TAS2R1: variants seen among roughly 807,000 people sequenced by gnomAD.
The protein encoded by TAS2R1 is taste 2 receptor member 1, also known as taste receptor type 2 member 1.
For synonymous variants in TAS2R1, 141 were observed against 134.2 expected (o/e 1.05, Z -0.35); for missense variants, 370 against 353.4 (o/e 1.05, Z -0.38).
chr5:9,758,148 T>C, the TAS2R1 span, among the ~76,000 whole-genome samples: 3 of 152,184 alleles, frequency 2.0e-5, no homozygotes, highest in Non-Finnish European at 4.4e-5. Flanking sequence ...ATTTTACTAC[T>C]TTAAAGAAAC....
chr5:9,697,528 T>C (rs1741384603), intron 1 of TAS2R1, among the ~76,000 whole-genome samples: 2 of 152,186 alleles, frequency 1.3e-5, no homozygotes, highest in Non-Finnish European at 2.9e-5. Flanking sequence ...AATACAGATG[T>C]TGAACACAAT....
intron 2 of TAS2R1, among the ~76,000 whole-genome samples, chr5:9,656,686 GAAATAAT>G: frequency 6.6e-6 from 1 of 152,160 alleles, no homozygotes; most frequent in Admixed American, 6.5e-5. Flanking sequence ...GACACATCCA[GAAATAAT>G]GTGTAACCAA....
chr5:9,748,770 A>G, the TAS2R1 span, among the ~76,000 whole-genome samples: 1 of 152,308 alleles, frequency 6.6e-6, no homozygotes, highest in South Asian at 2.1e-4. Context: ...CTCACTTCCA[A>G]CACTGGGGAT....
At chr5:9,690,640 T>A (rs1248721554) in intron 1 of TAS2R1, among the ~76,000 whole-genome samples, 5 of 152,064 alleles carry the variant, frequency 3.3e-5, no homozygotes, top group African/African-American at 1.2e-4. Context: ...GACTTAATTT[T>A]GAGTTAAAAG....
intron 1 of TAS2R1, among the ~76,000 whole-genome samples, chr5:9,698,185 C>T (rs900817615): frequency 6.6e-6 from 1 of 152,058 alleles, no homozygotes; most frequent in African/African-American, 2.4e-5. Context: ...CAGACTGGAA[C>T]CTGTTGAATA....
the TAS2R1 span, among the ~76,000 whole-genome samples, chr5:9,892,058 A>T: frequency 6.6e-6 from 1 of 152,046 alleles, no homozygotes; most frequent in Non-Finnish European, 1.5e-5. Flanking sequence ...ATCAGAACCC[A>T]TATGGGCCCC....
In TAS2R1 at chr5:9,649,699, C is replaced by A. The variant is rs143353958; in HGVS notation, c.-81+9722G>T. ...TGCAAAAATGCATTAAAAGTGGAGG[C>A]ATATTTACATTTGTTTTGCATTTGT... On this transcript the variant is annotated intron_variant, in intron 2 of 2. Transcript: ENST00000506620. Among the ~76,000 whole-genome samples, 768 of 152,274 alleles carry A rather than the reference C, an allele frequency of 5.0e-3. 4 individuals carry two copies. Among genetic ancestry groups the A allele is most frequent in the African/African-American group, 0.016 (660 of 41,564 alleles).
the TAS2R1 span, among the ~76,000 whole-genome samples, chr5:9,821,962 C>T: frequency 6.6e-6 from 1 of 152,204 alleles, no homozygotes; most frequent in Non-Finnish European, 1.5e-5. Flanking sequence ...CAAATGTCAC[C>T]TAAGGCTGGG....
At chr5:9,774,489 T>C in the TAS2R1 span, among the ~76,000 whole-genome samples, 1 of 152,252 alleles carries the variant, frequency 6.6e-6, no homozygotes, top group African/African-American at 2.4e-5. Flanking sequence ...TTTGTGGATG[T>C]TTGTCAATGT....
chr5:9,722,757 C>T, the TAS2R1 span, among the ~76,000 whole-genome samples: 1 of 152,172 alleles, frequency 6.6e-6, no homozygotes, highest in Non-Finnish European at 1.5e-5. Flanking sequence ...TTAGAATGTT[C>T]AAAACACTTG....
chr5:9,718,862 G>C, the TAS2R1 span, among the ~76,000 whole-genome samples: 1 of 151,756 alleles, frequency 6.6e-6, no homozygotes, highest in Non-Finnish European at 1.5e-5. Flanking sequence ...AAAAAGTGAA[G>C]GGGCTACTGT....
the TAS2R1 span, chr5:9,870,337 A>C: frequency 6.6e-6 from 1 of 152,166 alleles, no homozygotes; most frequent in Non-Finnish European, 1.5e-5. Flanking sequence ...GTAACCTCAG[A>C]TTCTTGGTCA....
the TAS2R1 span, among the ~76,000 whole-genome samples, chr5:9,875,276 TATG>T: frequency 9.9e-5 from 15 of 152,096 alleles, no homozygotes; most frequent in Non-Finnish European, 2.9e-5. Context: ...CTGGAAAGGG[TATG>T]TCCTACCTAC....
chr5:9,847,795 A>G, the TAS2R1 span, among the ~76,000 whole-genome samples: 1 of 152,232 alleles, frequency 6.6e-6, no homozygotes, highest in Non-Finnish European at 1.5e-5. Context: ...GCTGTGGGCC[A>G]TAGCCACACT....
the TAS2R1 span, among the ~76,000 whole-genome samples, chr5:9,723,063 C>T: frequency 2.0e-5 from 3 of 152,200 alleles, no homozygotes; most frequent in Non-Finnish European, 2.9e-5. Flanking sequence ...AGATGGAGAG[C>T]GAGCACAGAA....
the TAS2R1 span, among the ~76,000 whole-genome samples, chr5:9,735,716 C>T: frequency 6.6e-6 from 1 of 152,196 alleles, no homozygotes; most frequent in African/African-American, 2.4e-5. Flanking sequence ...AAATTATATA[C>T]TTACATCCCT....
chr5:9,785,309 T>C, the TAS2R1 span, among the ~76,000 whole-genome samples: 4 of 152,336 alleles, frequency 2.6e-5, no homozygotes, highest in Admixed American at 2.6e-4. Flanking sequence ...TTTACAAAAA[T>C]AGAATCAATC....
chr5:9,892,607 G>A, the TAS2R1 span, among the ~76,000 whole-genome samples: 7 of 152,146 alleles, frequency 4.6e-5, no homozygotes, highest in African/African-American at 1.7e-4. Context: ...ATGCTGCCAA[G>A]ACTGAGAACC....
chr5:9,858,040 G>A, the TAS2R1 span, among the ~76,000 whole-genome samples: 1 of 152,042 alleles, frequency 6.6e-6, no homozygotes, highest in African/African-American at 2.4e-5. Flanking sequence ...CCCAGTGCTG[G>A]GGGTGGTCTG....
Sources: allele counts gnomAD v4.1 joint callset (sites outside exome capture counted in the v4.1 genomes callset), GRCh38; gene constraint gnomAD v4.1.1; transcripts MANE v1.5; gene names NCBI Gene and HGNC (gene_info 2026-07-23, HGNC 2026-07-21).